Variants in DAB2 observed in about 807,000 individuals in gnomAD.
DAB2 encodes DAB adaptor protein 2, also known as disabled homolog 2.
DAB2 carries 28 observed loss-of-function variants against 71.6 expected under a neutral mutation model. The ratio of observed to expected loss-of-function variants is 0.39; its 90% CI spans 0.29 to 0.54. The LOEUF (loss-of-function observed/expected upper bound fraction) is 0.54, where lower values mean the gene tolerates loss of function less well. Ranked by LOEUF, DAB2 falls within the 20% of genes least tolerant of loss-of-function variation. The pLI is 0.68. For missense variants in DAB2, 867 were observed against 928.8 expected, an observed-to-expected ratio of 0.93 and a Z score of 0.86; for synonymous variants, 345 against 339.7, an observed-to-expected ratio of 1.02 and a Z score of -0.17.
At chr5:39,409,703 A>G (rs186878423) in intron 1 of DAB2, among the ~76,000 whole-genome samples, 1 of 152,312 alleles carries the variant, frequency 6.6e-6, no homozygotes, top group East Asian at 1.9e-4. Flanking sequence ...GTTTGGAAGC[A>G]TAATTCAAGG....
chr5:39,415,664 C>A (rs977513523), intron 1 of DAB2, among the ~76,000 whole-genome samples: 4 of 152,112 alleles, frequency 2.6e-5, no homozygotes, highest in South Asian at 2.1e-4. Context: ...AGAGCATTAT[C>A]AAGGGGCTAC....
intron 1 of DAB2, among the ~76,000 whole-genome samples, chr5:39,397,461 ACTTGAT>A (rs1461499642): frequency 6.6e-6 from 1 of 152,102 alleles, no homozygotes; most frequent in Admixed American, 6.5e-5. Context: ...CCCAGTGATG[ACTTGAT>A]CTTCTCTTCT....
chr5:39,375,259 A>G (rs1245440304), intron 13 of DAB2, among the ~76,000 whole-genome samples, 175 bp from the exon 14 acceptor site: 4 of 152,158 alleles, frequency 2.6e-5, no homozygotes, highest in Non-Finnish European at 5.9e-5. Flanking sequence ...ATGGCAGTGT[A>G]TATTATTTAT....
chr5:39,394,609 A>C (rs576299238), intron 1 of DAB2, among the ~76,000 whole-genome samples, 188 bp from the exon 2 acceptor site: 2 of 152,344 alleles, frequency 1.3e-5, no homozygotes, highest in South Asian at 4.1e-4. Flanking sequence ...GTAGTTTCCA[A>C]AATGGAACAT....
At chr5:39,393,743 T>C (rs575267809) in intron 2 of DAB2, among the ~76,000 whole-genome samples, 2 of 152,128 alleles carry the variant, frequency 1.3e-5, no homozygotes, top group African/African-American at 4.8e-5. Flanking sequence ...ATTTTTAATG[T>C]AAGAAAAATA....
chr5:39,379,945 C>T (rs1754940687), intron 11 of DAB2, among the ~76,000 whole-genome samples: 1 of 152,354 alleles, frequency 6.6e-6, no homozygotes, highest in Admixed American at 6.5e-5. Flanking sequence ...TTCACTTCGT[C>T]TGAATAAATA....
chr5:39,422,424 G>A lies in DAB2; in HGVS notation c.-102+2380C>T, dbSNP rs149318343. Among the ~76,000 whole-genome samples the A allele has an allele frequency of 1.9e-4, 29 of 152,250 alleles. No individual in the cohort carries two copies. Among genetic ancestry groups the A allele is most frequent in the African/African-American group, 7.0e-4 (29 of 41,540 alleles). ...GCTTTCCCAAGCATTTCAGCATCTT[G>A]GCTTTGTCTTTAAGAAGAGCAATAA... On this transcript the variant is annotated intron_variant, in intron 1 of 14. Transcript: ENST00000320816. The surrounding 1 kb of genome is among the most constrained non-coding windows in gnomAD (Gnocchi z 4.1).
chr5:39,398,142 A>G (rs1205866575), intron 1 of DAB2, among the ~76,000 whole-genome samples: 1 of 152,220 alleles, frequency 6.6e-6, no homozygotes, highest in Non-Finnish European at 1.5e-5. Context: ...AGCTCATTAA[A>G]TTTGGCAATT....
rs143086375 is a variant in DAB2 at position 39,412,051 on chromosome 5, C to G, written c.-102+12753G>C. 2.6e-3 allele frequency among the ~76,000 whole-genome samples: 392 copies of G among 152,218 alleles called. 1 individual carries two copies. The highest frequency in any genetic ancestry group is 3.8e-3 in the Non-Finnish European group (257 of 68,006). Reference sequence around the variant, plus strand: ...CCCTTCTCCGAGTCTGTCATTCGCTCTCAGAGCTGGGGCGGTTTCCTACCC... The same window carrying G: ...CCCTTCTCCGAGTCTGTCATTCGCTGTCAGAGCTGGGGCGGTTTCCTACCC... On this transcript the variant is annotated intron_variant, in intron 1 of 14. Coordinates refer to ENST00000320816, the MANE Select transcript of DAB2 (RefSeq NM_001343.4).
chr5:39,388,656 T>C (rs1755153013), intron 8 of DAB2, 143 bp downstream of exon 8: 1 of 697,372 alleles, frequency 1.4e-6, no homozygotes, highest in South Asian at 2.0e-5. Flanking sequence ...GACATAGATG[T>C]TACACTAATA....
At chr5:39,412,884 G>A (rs1482357021) in intron 1 of DAB2, among the ~76,000 whole-genome samples, 3 of 152,102 alleles carry the variant, frequency 2.0e-5, no homozygotes, top group Non-Finnish European at 4.4e-5. Flanking sequence ...AAAGACTGGG[G>A]CAACGTGCAT....
intron 7 of DAB2, 72 bp downstream of exon 7, chr5:39,389,025 T>C (rs1755162637): frequency 1.4e-6 from 2 of 1,460,842 alleles, no homozygotes; most frequent in African/African-American, 2.8e-5. Context: ...GCGAGAGTGG[T>C]TGGGCAGGTA....
chr5:39,399,980 G>A lies in DAB2; in HGVS notation c.-101-5559C>T, dbSNP rs13190434. 9.2e-3 allele frequency among the ~76,000 whole-genome samples: 1,403 copies of A among 152,236 alleles called. 8 individuals carry two copies. Among genetic ancestry groups the A allele is most frequent in the Non-Finnish European group, 0.013 (886 of 68,028 alleles). ...GTTTTGAAGCAATATCATAATACAA[G>A]TGTCAACCATCCTCCCCTGTGACTC... On this transcript the variant is annotated intron_variant, in intron 1 of 14. Transcript: ENST00000320816.
At chr5:39,406,653 G>A (rs1206503864) in intron 1 of DAB2, among the ~76,000 whole-genome samples, 1 of 152,204 alleles carries the variant, frequency 6.6e-6, no homozygotes, top group African/African-American at 2.4e-5. Context: ...GAAAGCTAAA[G>A]TGTTCATAGG....
chr5:39,396,768 G>C (rs144777498), intron 1 of DAB2, among the ~76,000 whole-genome samples: 6 of 152,338 alleles, frequency 3.9e-5, no homozygotes, highest in African/African-American at 1.4e-4. Flanking sequence ...CCAGTTTGGG[G>C]AGAGGGTGAG....
chr5:39,396,167 T>C (rs1208109718), intron 1 of DAB2, among the ~76,000 whole-genome samples: 1 of 152,076 alleles, frequency 6.6e-6, no homozygotes, highest in Non-Finnish European at 1.5e-5. Flanking sequence ...CAGGCTGGTC[T>C]CAAGCTCCTG....
Position 39,376,826 on chromosome 5 carries a change from A to G in DAB2, c.1961T>C (p.Met654Thr). The change falls in exon 12 of 15, where the codon ATG (methionine) becomes ACG (threonine). Residue 654 changes from methionine to threonine, a missense_variant. Transcript: ENST00000320816. ...CTGCCGCAGTTGGAAATCCTTAAAC[A>G]TTTCTTTCACATCCTTGATCTCTTT... ...GDKEIKDVKE[M>T]FKDFQLRQPP... 6.2e-7 allele frequency: 1 copy of G among 1,614,076 alleles called. No homozygotes were observed. Among genetic ancestry groups the G allele is most frequent in the Non-Finnish European group, 8.5e-7 (1 of 1,180,004 alleles).
intron 11 of DAB2, among the ~76,000 whole-genome samples, chr5:39,379,767 G>A (rs1754916791): frequency 6.6e-6 from 1 of 150,576 alleles, no homozygotes; most frequent in Admixed American, 6.6e-5. Flanking sequence ...GCTGGGTCTA[G>A]CGGAAGCCAG....
At chr5:39,382,007 T>A (rs1036649127) in intron 10 of DAB2, among the ~76,000 whole-genome samples, 2 of 152,206 alleles carry the variant, frequency 1.3e-5, no homozygotes, top group Non-Finnish European at 2.9e-5. Context: ...TCAGTCTACA[T>A]AGAGATCATA....
Sources: gnomAD v4.1 joint callset for allele counts (sites outside exome capture counted in the v4.1 genomes callset) on GRCh38, gnomAD v4.1.1 for gene constraint, Gnocchi (gnomAD v3.1) non-coding constraint, MANE v1.5 for transcripts, NCBI Gene and HGNC (gene_info 2026-07-23, HGNC 2026-07-21) for gene names.